Variants in EPB41L3 observed in about 807,000 individuals in gnomAD.
EPB41L3 encodes band 4.1-like protein 3.
A neutral mutation model predicts 127.1 loss-of-function variants in EPB41L3; 57 were observed. The observed-to-expected ratio is 0.45, with a 90% CI of 0.36 to 0.56. The LOEUF (loss-of-function observed/expected upper bound fraction) is 0.56, where lower values mean the gene tolerates loss of function less well. Among genes scored for constraint, EPB41L3 ranks in the 20% least tolerant of loss-of-function variants. EPB41L3 has a pLI of 0.00. For synonymous variants in EPB41L3, 572 were observed against 549.5 expected (o/e 1.04, Z -0.57); for missense variants, 1,273 against 1,372.2 (o/e 0.93, Z 1.14).
intron 3 of EPB41L3, among the ~76,000 whole-genome samples, chr18:5,611,555 C>T (rs191386763): frequency 3.7e-4 from 56 of 152,306 alleles, no homozygotes; most frequent in South Asian, 1.0e-3. Flanking sequence ...AAACAACATA[C>T]ACTAATGAGG....
In EPB41L3 at chr18:5,605,327, T is replaced by G. The variant is rs149833239; in HGVS notation, c.-306+7013A>C. Among the ~76,000 whole-genome samples, 6 of 152,250 alleles carry G rather than the reference T, an allele frequency of 3.9e-5. No homozygotes were observed. The East Asian group carries it at 1.2e-3, about 29-fold the overall frequency. On this transcript the variant is annotated intron_variant, in intron 3 of 21. Coordinates refer to the EPB41L3 transcript ENST00000545076. The stretch of plus-strand genomic sequence containing the variant: ...ACAATCTATGACAGCCTACCAAATT[T>G]CAAGTGTTAGGTACACAGACATCAC...
In EPB41L3 at chr18:5,416,088, G is replaced by A. The variant is rs755355008; in HGVS notation, c.1797C>T (p.Leu599=). 31 of 1,612,590 alleles carry A rather than the reference G, an allele frequency of 1.9e-5. No homozygotes were observed. Among genetic ancestry groups the A allele is most frequent in the Non-Finnish European group, 2.5e-5 (29 of 1,179,062 alleles). Residue 599 remains leucine, a synonymous_variant, in exon 13 of 23, where the codon CTC becomes CTT. Coordinates refer to ENST00000341928, the MANE Select transcript of EPB41L3 (RefSeq NM_012307.5). ...SLQLPESFPS[L]LDDDGYLSFP... is the part of the protein sequence containing the mutation. The stretch of plus-strand genomic sequence containing the variant: ...AAGAGAGGTATCCATCATCATCTAG[G>A]AGGGAGGGGAATGACTCAGGGAGCT...
At chr18:5,576,101 G>T (rs1407471737) in intron 3 of EPB41L3, among the ~76,000 whole-genome samples, 4 of 152,042 alleles carry the variant, frequency 2.6e-5, no homozygotes, top group Non-Finnish European at 5.9e-5. Context: ...GTTAAGGGAG[G>T]CTCATCTTCT....
chr18:5,503,146 T>C (rs1286956763), intron 1 of EPB41L3, among the ~76,000 whole-genome samples: 1 of 152,208 alleles, frequency 6.6e-6, no homozygotes, highest in South Asian at 2.1e-4. Context: ...AAATTATATT[T>C]ATCACTTTTT....
intron 3 of EPB41L3, among the ~76,000 whole-genome samples, chr18:5,610,885 C>T (rs1172243486): frequency 6.6e-6 from 1 of 152,096 alleles, no homozygotes; most frequent in Non-Finnish European, 1.5e-5. Flanking sequence ...TCTTACAAAC[C>T]ATGATAATTG....
chr18:5,519,117 CAGG>C (rs1234947461), intron 1 of EPB41L3, among the ~76,000 whole-genome samples: 1 of 152,166 alleles, frequency 6.6e-6, no homozygotes, highest in Non-Finnish European at 1.5e-5. Flanking sequence ...CCTAAGCTTT[CAGG>C]AGAAGAAAAC....
At chr18:5,471,812 T>C (rs547320315) in intron 3 of EPB41L3, among the ~76,000 whole-genome samples, 4 of 152,310 alleles carry the variant, frequency 2.6e-5, no homozygotes, top group Admixed American at 2.6e-4. Context: ...GGCTTCAGCA[T>C]CACGATGTCA....
At chr18:5,522,394 G>C (rs112544651) in intron 1 of EPB41L3, among the ~76,000 whole-genome samples, 2,469 of 152,208 alleles carry the variant, frequency 0.016, 58 homozygotes, top group African/African-American at 0.056. Context: ...AAAGTACTGG[G>C]ATTACAGATG....
intron 2 of EPB41L3, 134 bp downstream of exon 2, chr18:5,488,867 C>T (rs1444433621): frequency 2.1e-6 from 2 of 970,610 alleles, no homozygotes; most frequent in African/African-American, 3.5e-5. Context: ...CATACATTTT[C>T]ATCTGCCTGG....
At chr18:5,393,831 A>G (rs1475330415) in intron 22 of EPB41L3, 2 of 209,122 alleles carry the variant, frequency 9.6e-6, no homozygotes, top group African/African-American at 4.7e-5. Flanking sequence ...GAAATCTCTT[A>G]AACATTTTAT....
At chr18:5,531,071 T>C (rs1205976506) in intron 1 of EPB41L3, among the ~76,000 whole-genome samples, 1 of 152,238 alleles carries the variant, frequency 6.6e-6, no homozygotes, top group East Asian at 1.9e-4. Flanking sequence ...TCCATTATTT[T>C]CTCATGCATC....
intron 9 of EPB41L3, among the ~76,000 whole-genome samples, chr18:5,426,024 T>G (rs1405978047): frequency 6.6e-6 from 1 of 152,218 alleles, no homozygotes; most frequent in Non-Finnish European, 1.5e-5. Flanking sequence ...GAAACTCATC[T>G]CCTGGTCATC....
chr18:5,445,660 A>G (rs2081364148), intron 3 of EPB41L3, among the ~76,000 whole-genome samples: 1 of 152,226 alleles, frequency 6.6e-6, no homozygotes, highest in Non-Finnish European at 1.5e-5. Context: ...TCAATTATCT[A>G]GATCAGGAGT....
At chr18:5,482,793 T>C (rs2088838699) in intron 2 of EPB41L3, among the ~76,000 whole-genome samples, 1 of 152,120 alleles carries the variant, frequency 6.6e-6, no homozygotes, top group Non-Finnish European at 1.5e-5. Flanking sequence ...GATCAAATCT[T>C]TCCCGAAAGA....
intron 16 of EPB41L3, among the ~76,000 whole-genome samples, chr18:5,401,510 T>C (rs893696422): frequency 6.6e-6 from 1 of 152,168 alleles, no homozygotes; most frequent in Non-Finnish European, 1.5e-5. Context: ...TGTTACAGAG[T>C]AGTGAAATGC....
In EPB41L3 at chr18:5,397,253, T is replaced by A; in HGVS notation, c.2646A>T (p.Ala882=). 6.2e-7 allele frequency: 1 copy of A among 1,614,168 alleles called. No individual in the cohort carries two copies. The highest frequency in any genetic ancestry group is 8.5e-7 in the Non-Finnish European group (1 of 1,180,034). Residue 882 remains alanine, a synonymous_variant, in exon 18 of 23, where the codon GCA becomes GCT. Transcript: ENST00000341928. The surrounding 1 kb of genome is among the most constrained non-coding windows in gnomAD (Gnocchi z 4.1). ...CTTTAATGCCTGTGAATGCGGGCTGTGCTGCAGCATCCCCGCTGTCTCCCG... is the reference window on the plus strand; with the variant it reads ...CTTTAATGCCTGTGAATGCGGGCTGAGCTGCAGCATCCCCGCTGTCTCCCG... ...YSAGDSGDAA[A]QPAFTGIKGK...
chr18:5,459,652 C>T (rs1463333732), intron 3 of EPB41L3, among the ~76,000 whole-genome samples: 1 of 152,128 alleles, frequency 6.6e-6, no homozygotes, highest in Non-Finnish European at 1.5e-5. Flanking sequence ...TTTTAAGCTG[C>T]AATCCTCTTA....
intron 3 of EPB41L3, among the ~76,000 whole-genome samples, 182 bp downstream of exon 3, chr18:5,478,059 C>T (rs1036327866): frequency 2.0e-5 from 3 of 152,026 alleles, no homozygotes; most frequent in Non-Finnish European, 4.4e-5. Context: ...CATTTTGGGA[C>T]ATTATACATA....
At chr18:5,596,259 C>T (rs1457802602) in intron 3 of EPB41L3, among the ~76,000 whole-genome samples, 1 of 152,190 alleles carries the variant, frequency 6.6e-6, no homozygotes, top group Non-Finnish European at 1.5e-5. Flanking sequence ...CTGGGTCCCA[C>T]CCCTGCAGTC....
Sources: allele counts gnomAD v4.1 joint callset (sites outside exome capture counted in the v4.1 genomes callset), GRCh38; gene constraint gnomAD v4.1.1; non-coding constraint Gnocchi (gnomAD v3.1); transcripts MANE v1.5; gene names NCBI Gene and HGNC (gene_info 2026-07-23, HGNC 2026-07-21).